The following SPG11 variants were observed in gnomAD, a reference collection of about 807,000 sequenced individuals.
SPG11 encodes the protein SPG11 vesicle trafficking associated, spatacsin.
In SPG11, 222 loss-of-function variants were observed where a neutral mutation model predicts 274.0. The ratio of observed to expected loss-of-function variants is 0.81; its 90% CI spans 0.73 to 0.91. The LOEUF is 0.91. Ranked by LOEUF, SPG11 falls within the 40% of genes least tolerant of loss-of-function variation. SPG11 has a pLI of 0.00. For missense variants in SPG11, 3,114 were observed against 2,872.7 expected (o/e 1.08, Z -1.92); for synonymous variants, 1,144 against 1,039.7 (o/e 1.10, Z -1.93).
intron 28 of SPG11, among the ~76,000 whole-genome samples, chr15:44,587,182 C>G (rs972742751): frequency 6.6e-6 from 1 of 152,202 alleles, no homozygotes; most frequent in Non-Finnish European, 1.5e-5. Context: ...TAAACAAAAA[C>G]AAAGAATTCT....
intron 3 of SPG11, among the ~76,000 whole-genome samples, chr15:44,658,120 T>C (rs1159881685): frequency 1.3e-5 from 2 of 152,252 alleles, no homozygotes; most frequent in Admixed American, 1.3e-4. Flanking sequence ...ATACGCTTAG[T>C]GCCTACTGTT....
intron 7 of SPG11, among the ~76,000 whole-genome samples, chr15:44,646,569 G>A (rs2084616385): frequency 6.6e-6 from 1 of 152,118 alleles, no homozygotes; most frequent in Admixed American, 6.5e-5. Context: ...TGAGATTTGG[G>A]TGGGGACACA....
chr15:44,584,508 T>C lies in SPG11; in HGVS notation c.5172A>G (p.Lys1724=), dbSNP rs748433681. Residue 1724 remains lysine, a synonymous_variant, in exon 30 of 40, where the codon AAA becomes AAG. Transcript: ENST00000261866. The part of the protein sequence containing the change: ...TLKHIEQWSL[K]QARIDFWKKC... Reference sequence around the variant, plus strand: ...TTTTCCAGAAGTCAATTCTTGCTTGTTTTAGTGACCACTGTTCAATGTGTT... The same window carrying C: ...TTTTCCAGAAGTCAATTCTTGCTTGCTTTAGTGACCACTGTTCAATGTGTT... 6.2e-7 allele frequency: 1 copy of C among 1,613,710 alleles called. No individual in the cohort carries two copies. The highest frequency in any genetic ancestry group is 8.5e-7 in the Non-Finnish European group (1 of 1,180,034).
chr15:44,636,245 A>G (rs1485694378), intron 7 of SPG11, among the ~76,000 whole-genome samples: 1 of 152,118 alleles, frequency 6.6e-6, no homozygotes. Flanking sequence ...ACCCGCCAAA[A>G]AAAGATAAAC....
intron 26 of SPG11, among the ~76,000 whole-genome samples, chr15:44,593,007 A>AT (rs1321295503): frequency 4.6e-5 from 7 of 151,812 alleles, no homozygotes; most frequent in African/African-American, 1.7e-4. Context: ...AAGAAATGCT[A>AT]TTAGCAATAG....
chr15:44,580,870 G>C (rs1481613453), intron 30 of SPG11, among the ~76,000 whole-genome samples: 1 of 152,226 alleles, frequency 6.6e-6, no homozygotes, highest in Admixed American at 6.5e-5. Context: ...TGTACTTGAA[G>C]TTCCAGAAAG....
chr15:44,659,236 T>A lies in SPG11; in HGVS notation c.510A>T (p.Lys170Asn). Residue 170 changes from lysine (K) to asparagine (N), a missense_variant, in exon 3 of 40, where the codon AAA becomes AAT. Lys to Asn is a moderately conservative substitution (Grantham distance 94, BLOSUM62 0). Coordinates refer to ENST00000261866, the MANE Select transcript of SPG11 (RefSeq NM_025137.4). The part of the protein sequence containing the change: ...HNNTSLLFIN[K>N]CVILHIIFPE... ...GAAATATAATATGTAGGATGACACA[T>A]TTGTTGATGAACAGTAATGATGTGT... 6.2e-7 allele frequency: 1 copy of A among 1,614,218 alleles called. No individual in the cohort carries two copies. Among genetic ancestry groups the A allele is most frequent in the African/African-American group, 1.3e-5 (1 of 75,070 alleles).
chr15:44,570,586 A>G lies in SPG11; in HGVS notation c.6416T>C (p.Leu2139Pro). Residue 2139 changes from leucine (L) to proline (P), a missense_variant, in exon 34 of 40, where the codon CTA becomes CCA. Physicochemically the swap from Leu to Pro is moderately conservative, Grantham distance 98. Transcript: ENST00000261866. The stretch of plus-strand genomic sequence containing the variant: ...ATCTGTGAGCATGTGGGCGGCCTGT[A>G]GGACTCGGATGATGCCCTCCATGTG... ...TCHMEGIIRV[L>P]QAAHMLTDNH... 1.2e-6 allele frequency: 2 copies of G among 1,614,142 alleles called. No homozygotes were observed. Among genetic ancestry groups the G allele is most frequent in the South Asian group, 2.2e-5 (2 of 91,072 alleles).
intron 28 of SPG11, among the ~76,000 whole-genome samples, chr15:44,587,706 A>C (rs866056400): frequency 1.1e-4 from 16 of 151,002 alleles, no homozygotes; most frequent in South Asian, 6.2e-4. Flanking sequence ...AAAAAAAAAA[A>C]AAAAAAAAAA....
At position 44,585,620 on chromosome 15, in the gene SPG11, A is replaced by G; in HGVS notation, c.5121+16T>C. Reference sequence around the variant, plus strand: ...CCGTATCTAAAAAAAAAAAAAAAAAAAAAGACCGATGATACCTCTTTAATA... The same window carrying G: ...CCGTATCTAAAAAAAAAAAAAAAAAGAAAGACCGATGATACCTCTTTAATA... On this transcript the variant is annotated intron_variant, in intron 29 of 39. Transcript: ENST00000261866. 3 of 1,597,246 alleles carry G rather than the reference A, an allele frequency of 1.9e-6. No individual in the cohort carries two copies. The highest frequency in any genetic ancestry group is 1.7e-6 in the Non-Finnish European group (2 of 1,168,990).
Position 44,606,081 on chromosome 15 carries a change from G to A in SPG11, c.3464C>T (p.Pro1155Leu). The A allele has an allele frequency of 6.2e-7, 1 of 1,613,496 alleles. No homozygotes were observed. The highest frequency in any genetic ancestry group is 8.5e-7 in the Non-Finnish European group (1 of 1,179,694). The change falls in exon 20 of 40, where the codon CCC becomes CTC. Residue 1155 changes from proline (P) to leucine (L), a missense_variant. Transcript: ENST00000261866. ...TIYHLIQSLSPFDPSRLFGWQ... is the reference protein window; with the variant it reads ...TIYHLIQSLSLFDPSRLFGWQ... ...GCCAAACAATCTGCTAGGATCAAAGGGTGATAATGACTGAAAAAGGGGAAA... is the reference window on the plus strand; with the variant it reads ...GCCAAACAATCTGCTAGGATCAAAGAGTGATAATGACTGAAAAAGGGGAAA...
chr15:44,640,113 G>A (rs1047092071), intron 7 of SPG11, among the ~76,000 whole-genome samples: 6 of 152,160 alleles, frequency 3.9e-5, no homozygotes, highest in Non-Finnish European at 7.4e-5. Context: ...GGGAGGCTGA[G>A]GCAGGAGAAT....
At position 44,663,631 on chromosome 15, in the gene SPG11, C is replaced by G. The variant is rs1205261164; in HGVS notation, c.17G>C (p.Gly6Ala). The change falls in exon 1 of 40, where the codon GGG (glycine) becomes GCG (alanine). Residue 6 changes from glycine to alanine, a missense_variant. Coordinates refer to ENST00000261866, the MANE Select transcript of SPG11 (RefSeq NM_025137.4). ...GCCGGCGGAAGCAGCACTCGCGACC[C>G]CTTCCTCTGCAGCCATCTTGGCCCG... MAAEE[G>A]VASAASAGGS... The G allele has an allele frequency of 3.1e-6, 5 of 1,595,478 alleles. No individual in the cohort carries two copies. Among genetic ancestry groups the G allele is most frequent in the Non-Finnish European group, 4.2e-6 (5 of 1,176,470 alleles).
intron 11 of SPG11, among the ~76,000 whole-genome samples, chr15:44,625,948 G>T (rs2083886460): frequency 6.6e-6 from 1 of 152,180 alleles, no homozygotes; most frequent in Non-Finnish European, 1.5e-5. Flanking sequence ...CCAAAGTGCT[G>T]GGATTACAGG....
chr15:44,572,845 G>A, intron 32 of SPG11, 25 bp from the exon 33 acceptor site: 1 of 1,613,812 alleles, frequency 6.2e-7, no homozygotes, highest in South Asian at 1.1e-5. Flanking sequence ...GTGAAGACAG[G>A]TGCTGGTTTT....
Position 44,659,182 on chromosome 15 carries a change from G to A in SPG11, c.564C>T (p.Leu188=), listed in dbSNP as rs760783620. The A allele has an allele frequency of 6.2e-7, 1 of 1,614,194 alleles. No homozygotes were observed. Among genetic ancestry groups the A allele is most frequent in the Non-Finnish European group, 8.5e-7 (1 of 1,180,012 alleles). ...FPERDAAIRV[L]NCFTLPLPAQ... ...CAGGCAAGGGAAGTGTGAAACAGTT[G>A]AGTACTCTAATTGCAGCATCTCTTT... Residue 188 remains leucine (L), a synonymous_variant, in exon 3 of 40, where the codon CTC becomes CTT. Coordinates refer to ENST00000261866, the MANE Select transcript of SPG11 (RefSeq NM_025137.4).
rs1248318615 is a variant in SPG11 at position 44,663,521 on chromosome 15, AGCCGAGCTGCCCCATC to A, written c.111_126del (p.Met38ProfsTer15). The A allele has an allele frequency of 1.9e-6, 3 of 1,597,278 alleles. No homozygotes were observed. The African/African-American group carries it at 4.0e-5, about 21-fold the overall frequency. ...GGCTGTGTGCGCAGCTGCGCCCGGG[AGCCGAGCTGCCCCATC>A]GCCTCGGCGGGGACTGGCACCAACA... On this transcript the variant is annotated frameshift_variant, in exon 1 of 40. Coordinates refer to ENST00000261866, the MANE Select transcript of SPG11 (RefSeq NM_025137.4). LOFTEE classifies it high-confidence loss of function.
At position 44,610,934 on chromosome 15, in the gene SPG11, G is replaced by A. The variant is rs754255661; in HGVS notation, c.3197C>T (p.Pro1066Leu). 6.2e-7 allele frequency: 1 copy of A among 1,613,766 alleles called. No individual in the cohort carries two copies. The highest frequency in any genetic ancestry group is 8.5e-7 in the Non-Finnish European group (1 of 1,179,932). ...ACTGCTTACACTGGCCTGATTGGTGGGAATCAAAATCTGAGCATTTGCAAG... is the reference window on the plus strand; with the variant it reads ...ACTGCTTACACTGGCCTGATTGGTGAGAATCAAAATCTGAGCATTTGCAAG... Reference protein sequence around the residue: ...ASLANAQILIPTNQASVSSML... With the variant: ...ASLANAQILILTNQASVSSML... Residue 1066 changes from proline to leucine, a missense_variant, in exon 18 of 40, where the codon CCC becomes CTC. By Grantham distance (98) the Pro-to-Leu change is moderately conservative. Coordinates refer to ENST00000261866, the MANE Select transcript of SPG11 (RefSeq NM_025137.4).
chr15:44,662,277 CAGGAGCTGTTAG>C (rs1454868631), intron 1 of SPG11, among the ~76,000 whole-genome samples: 1 of 151,078 alleles, frequency 6.6e-6, no homozygotes, highest in East Asian at 1.9e-4. Context: ...CTCTAAATGT[CAGGAGCTGTTAG>C]AGGAGCTGGA....
Sources: gnomAD v4.1 joint callset for allele counts (sites outside exome capture counted in the v4.1 genomes callset) on GRCh38, gnomAD v4.1.1 for gene constraint, MANE v1.5 for transcripts, NCBI Gene and HGNC (gene_info 2026-07-23, HGNC 2026-07-21) for gene names.